RANBP3L: variants seen among roughly 807,000 people sequenced by gnomAD.
RANBP3L encodes ran-binding protein 3-like.
A neutral mutation model predicts 67.2 loss-of-function variants in RANBP3L; 56 were observed. The observed-to-expected ratio is 0.83, with a 90% CI of 0.67 to 1.04. RANBP3L has a LOEUF of 1.04. Ranked by LOEUF, RANBP3L falls within the 50% of genes least tolerant of loss-of-function variation. The pLI is 0.00. For missense variants in RANBP3L, 496 were observed against 535.5 expected, an observed-to-expected ratio of 0.93 and a Z score of 0.73; for synonymous variants, 164 against 181.4, an observed-to-expected ratio of 0.90 and a Z score of 0.77.
chr5:36,275,602 A>G (rs1441392877), intron 1 of RANBP3L, among the ~76,000 whole-genome samples: 1 of 152,136 alleles, frequency 6.6e-6, no homozygotes, highest in Admixed American at 6.6e-5. Context: ...ACAAAATAAT[A>G]AGGTTTTCTT....
chr5:36,274,898 G>C (rs982061114), intron 1 of RANBP3L, among the ~76,000 whole-genome samples: 6 of 151,752 alleles, frequency 4.0e-5, no homozygotes, highest in African/African-American at 1.5e-4. Flanking sequence ...TTTTTTTTTA[G>C]AGAAATTGAA....
At chr5:36,278,938 T>C (rs1750787003) in intron 1 of RANBP3L, among the ~76,000 whole-genome samples, 1 of 152,188 alleles carries the variant, frequency 6.6e-6, no homozygotes, top group South Asian at 2.1e-4. Flanking sequence ...GTGATTAAAA[T>C]GTTCATTGCT....
Position 36,301,295 on chromosome 5 carries a change from A to T in RANBP3L, c.91+31T>A, listed in dbSNP as rs1304350816. ...AATGCAAATGCACAGAAGGTCACAG[A>T]ATATGCAACTCATGAGCTGGACGGA... On this transcript the variant is annotated intron_variant, in intron 1 of 13. Coordinates refer to ENST00000296604, the MANE Select transcript of RANBP3L (RefSeq NM_145000.5). 2.0e-6 allele frequency: 3 copies of T among 1,512,204 alleles called. No individual in the cohort carries two copies. The African/African-American group carries it at 4.1e-5, about 21-fold the overall frequency. The allele number at this position is 1,512,204 out of a possible 1,614,324, so 93.7% of individuals were successfully genotyped here.
chr5:36,265,629 G>T (rs1749711351), intron 4 of RANBP3L, 109 bp from the exon 5 acceptor site: 2 of 620,054 alleles, frequency 3.2e-6, no homozygotes, highest in Non-Finnish European at 5.6e-6. Flanking sequence ...GTCGCAATTG[G>T]CACTAACAGA....
At chr5:36,258,988 T>C (rs1475201728) in intron 8 of RANBP3L, among the ~76,000 whole-genome samples, 3 of 152,226 alleles carry the variant, frequency 2.0e-5, no homozygotes, top group African/African-American at 7.2e-5. Flanking sequence ...AAGAACTCAG[T>C]ACATGTTTGG....
At chr5:36,260,360 C>CAAAAA (rs1276517049) in intron 8 of RANBP3L, among the ~76,000 whole-genome samples, 3 of 78,992 alleles carry the variant, frequency 3.8e-5, no homozygotes, top group South Asian at 3.9e-4. Context: ...GACTCTGTCT[C>CAAAAA]AAAAAAAAAA....
At chr5:36,264,905 G>A (rs1056539863) in intron 6 of RANBP3L, 54 bp downstream of exon 6, 1 of 1,554,930 alleles carries the variant, frequency 6.4e-7, no homozygotes, top group South Asian at 1.2e-5. Flanking sequence ...CAAACAACCT[G>A]CAAAAAGAAA....
At chr5:36,278,691 A>T (rs901710781) in intron 1 of RANBP3L, among the ~76,000 whole-genome samples, 2 of 152,178 alleles carry the variant, frequency 1.3e-5, no homozygotes, top group Non-Finnish European at 2.9e-5. Context: ...ATTCAGTGTA[A>T]GGTGAAGTCA....
At chr5:36,261,170 T>C (rs1749357930) in intron 7 of RANBP3L, among the ~76,000 whole-genome samples, 1 of 152,200 alleles carries the variant, frequency 6.6e-6, no homozygotes, top group South Asian at 2.1e-4. Context: ...CAACACACCC[T>C]GTCTAGTATC....
rs552507987 is a variant in RANBP3L at position 36,293,415 on chromosome 5, C to T, written c.91+7911G>A. On this transcript the variant is annotated intron_variant, in intron 1 of 13. Coordinates refer to ENST00000296604, the MANE Select transcript of RANBP3L (RefSeq NM_145000.5). ...TATTTCCTTCTCCTGCCTAATTGCC[C>T]TGGTCAGAACTTCCAACACTATGTT... 4.3e-4 allele frequency among the ~76,000 whole-genome samples: 64 copies of T among 150,242 alleles called. 1 individual carries two copies. Among genetic ancestry groups the T allele is most frequent in the African/African-American group, 1.5e-3 (62 of 40,772 alleles).
chr5:36,268,332 G>T (rs886411322), intron 4 of RANBP3L: 66 of 1,152,536 alleles, frequency 5.7e-5, no homozygotes, highest in Non-Finnish European at 7.9e-5. Flanking sequence ...TTCATTTGGA[G>T]TTTTGCTGTT....
chr5:36,252,887 C>T (rs985916233), intron 12 of RANBP3L, among the ~76,000 whole-genome samples: 2 of 151,862 alleles, frequency 1.3e-5, no homozygotes, highest in African/African-American at 4.8e-5. Context: ...ATCACAGGCA[C>T]CTGCCAGGTT....
intron 11 of RANBP3L, among the ~76,000 whole-genome samples, chr5:36,255,219 G>C (rs1748884173): frequency 6.6e-6 from 1 of 152,060 alleles, no homozygotes; most frequent in Non-Finnish European, 1.5e-5. Flanking sequence ...GATATAAGTA[G>C]AGTAGAGAAA....
intron 1 of RANBP3L, among the ~76,000 whole-genome samples, chr5:36,291,553 C>T (rs1179847367): frequency 6.6e-6 from 1 of 152,052 alleles, no homozygotes; most frequent in African/African-American, 2.4e-5. Flanking sequence ...TCCCCTCTGC[C>T]CCCACCCCAC....
intron 1 of RANBP3L, among the ~76,000 whole-genome samples, chr5:36,276,373 T>C (rs572025042): frequency 3.9e-5 from 6 of 152,338 alleles, no homozygotes; most frequent in East Asian, 1.9e-4. Context: ...GCAGTTCAGA[T>C]ATTTTGAGAG....
intron 1 of RANBP3L, among the ~76,000 whole-genome samples, chr5:36,292,313 T>C (rs1263321159): frequency 6.6e-6 from 1 of 151,958 alleles, no homozygotes; most frequent in Non-Finnish European, 1.5e-5. Context: ...CTTTGTCAGA[T>C]GAGTAGGCTG....
intron 8 of RANBP3L, among the ~76,000 whole-genome samples, chr5:36,259,429 A>G (rs1348069226): frequency 7.9e-5 from 12 of 152,040 alleles, no homozygotes; most frequent in Admixed American, 7.9e-4. Context: ...CAAAAATACA[A>G]AAAGTTAGCC....
At position 36,301,878 on chromosome 5, in the gene RANBP3L, A is replaced by G. The variant is rs1320676258; in HGVS notation, c.-462T>C. ...TGCTGAGTTAAGTCAAGTGATTTCTAAGCCTGATCTGAGTTACCCTCTGTG... is the reference window on the plus strand; with the variant it reads ...TGCTGAGTTAAGTCAAGTGATTTCTGAGCCTGATCTGAGTTACCCTCTGTG... On this transcript the variant is annotated 5_prime_UTR_variant, in exon 1 of 14. Transcript: ENST00000296604. The G allele has an allele frequency of 6.3e-6, 1 of 159,166 alleles. No individual in the cohort carries two copies. The highest frequency in any genetic ancestry group is 1.4e-5 in the Non-Finnish European group (1 of 71,848). 9.9% of individuals were successfully genotyped at this position (159,166 alleles called of 1,614,324 possible).
chr5:36,262,026 G>A lies in RANBP3L; in HGVS notation c.497C>T (p.Ser166Phe). 1 of 1,585,420 alleles carries A rather than the reference G, an allele frequency of 6.3e-7. No homozygotes were observed. Among genetic ancestry groups the A allele is most frequent in the Non-Finnish European group, 8.7e-7 (1 of 1,155,978 alleles). Residue 166 changes from serine to phenylalanine, a missense_variant, in exon 7 of 14, where the codon TCC (serine) becomes TTC (phenylalanine). Coordinates refer to ENST00000296604, the MANE Select transcript of RANBP3L (RefSeq NM_145000.5). Reference protein sequence around the residue: ...KTNNKISEGNSYLLSENLSRA... With the variant: ...KTNNKISEGNFYLLSENLSRA... ...TGATAAATTTTCACTTAACAAATAG[G>A]AATTTCCCTCAGAAATCTGAAAGTA... is the stretch of plus-strand genomic sequence containing the variant.
Sources: gnomAD v4.1 joint callset for allele counts (sites outside exome capture counted in the v4.1 genomes callset) on GRCh38, gnomAD v4.1.1 for gene constraint, MANE v1.5 for transcripts, NCBI Gene and HGNC (gene_info 2026-07-23, HGNC 2026-07-21) for gene names.